The following GRIK4 variants were observed in gnomAD, a reference collection of about 807,000 sequenced individuals.
The protein encoded by GRIK4 is glutamate receptor ionotropic, kainate 4.
In GRIK4, 40 loss-of-function variants were observed where a neutral mutation model predicts 104.9. The observed-to-expected ratio is 0.38, with a 90% CI of 0.30 to 0.50. The LOEUF is 0.50. GRIK4 is among the 20% of genes least tolerant of loss of function. The pLI is 0.93. For synonymous variants in GRIK4, 485 were observed against 524.9 expected, an observed-to-expected ratio of 0.92 and a Z score of 1.04; for missense variants, 1,047 against 1,308.1, an observed-to-expected ratio of 0.80 and a Z score of 3.08.
intron 1 of GRIK4, among the ~76,000 whole-genome samples, chr11:120,615,733 G>T (rs1326983760): frequency 6.6e-6 from 1 of 152,148 alleles, no homozygotes. Flanking sequence ...TGCAGCTTGT[G>T]GGTGGGGATC....
intron 3 of GRIK4, among the ~76,000 whole-genome samples, chr11:120,675,552 A>G (rs1397992937): frequency 1.3e-5 from 2 of 152,168 alleles, no homozygotes; most frequent in African/African-American, 2.4e-5. Flanking sequence ...GGCATATAAG[A>G]AATATTAGTT....
chr11:120,988,074 C>G lies in GRIK4; in HGVS notation c.*1814C>G, dbSNP rs1944785981. 1 of 152,214 alleles carries G rather than the reference C, an allele frequency of 6.6e-6. No homozygotes were observed. Among genetic ancestry groups the G allele is most frequent in the African/African-American group, 2.4e-5 (1 of 41,420 alleles). The allele number at this position is 152,214 out of a possible 1,614,324, so 9.4% of individuals were successfully genotyped here. ...GGGTTGGTCGGCATCCTCTTTATGC[C>G]AGGACAATCAGTTAGGGCTGCCGTC... On this transcript the variant is annotated 3_prime_UTR_variant, in exon 21 of 21. Transcript: ENST00000527524.
chr11:120,927,144 C>T (rs994794724), intron 13 of GRIK4, among the ~76,000 whole-genome samples: 3 of 151,844 alleles, frequency 2.0e-5, no homozygotes, highest in Admixed American at 6.6e-5. Flanking sequence ...AATGGGCTGC[C>T]GTATCACCAA....
chr11:120,563,427 A>G (rs1219873165), intron 1 of GRIK4, among the ~76,000 whole-genome samples: 1 of 152,104 alleles, frequency 6.6e-6, no homozygotes, highest in African/African-American at 2.4e-5. Flanking sequence ...AACAATCCCT[A>G]TATTTTTGGT....
intron 1 of GRIK4, among the ~76,000 whole-genome samples, chr11:120,581,449 T>C (rs1007244456): frequency 1.3e-5 from 2 of 152,230 alleles, no homozygotes; most frequent in Non-Finnish European, 1.5e-5. Flanking sequence ...ATCTCAACCA[T>C]TTTAAATGTA....
intron 6 of GRIK4, among the ~76,000 whole-genome samples, chr11:120,828,788 G>T (rs1321504290): frequency 6.6e-6 from 1 of 152,192 alleles, no homozygotes; most frequent in Non-Finnish European, 1.5e-5. Flanking sequence ...TGTTATATGG[G>T]ATGGGGAATG....
chr11:120,981,094 C>A (rs966445323), intron 19 of GRIK4, among the ~76,000 whole-genome samples: 1 of 152,148 alleles, frequency 6.6e-6, no homozygotes, highest in East Asian at 1.9e-4. Flanking sequence ...CTGAAAAACA[C>A]GGGACACAAG....
At chr11:120,713,543 C>G (rs1950776473) in intron 3 of GRIK4, among the ~76,000 whole-genome samples, 1 of 152,150 alleles carries the variant, frequency 6.6e-6, no homozygotes, top group African/African-American at 2.4e-5. Context: ...GAGCTCTTTA[C>G]CAGGCGAGGT....
chr11:120,541,252 T>G (rs1565543587), intron 1 of GRIK4, among the ~76,000 whole-genome samples: 1 of 152,246 alleles, frequency 6.6e-6, no homozygotes, highest in Non-Finnish European at 1.5e-5. Flanking sequence ...CAGAGCTGAT[T>G]GACCCCTCCT....
At chr11:120,743,202 C>T (rs916971656) in intron 3 of GRIK4, among the ~76,000 whole-genome samples, 1 of 150,714 alleles carries the variant, frequency 6.6e-6, no homozygotes, top group African/African-American at 2.4e-5. Context: ...TGCACTCCAG[C>T]CTGGGTGACA....
At chr11:120,686,382 A>T (rs10790400) in intron 3 of GRIK4, among the ~76,000 whole-genome samples, 74,775 of 152,070 alleles carry the variant, frequency 0.49, 18,636 homozygotes, top group African/African-American at 0.56. Flanking sequence ...TAACTGTGCC[A>T]CTTATAGTAC....
intron 6 of GRIK4, among the ~76,000 whole-genome samples, chr11:120,827,205 C>T (rs1953290133): frequency 6.6e-6 from 1 of 152,186 alleles, no homozygotes; most frequent in Admixed American, 6.5e-5. Flanking sequence ...CCTGCAGACT[C>T]ATCGCTTAGG....
intron 1 of GRIK4, among the ~76,000 whole-genome samples, chr11:120,580,200 T>TTTCTTTCTTTCC (rs1948552965): frequency 3.2e-5 from 1 of 30,886 alleles, no homozygotes; most frequent in African/African-American, 1.2e-4. Flanking sequence ...ACAAGGGTTC[T>TTTCTTTCTTTCC]TTCTTTCTTT....
chr11:120,717,922 A>G (rs1369709899), intron 3 of GRIK4, among the ~76,000 whole-genome samples: 2 of 152,078 alleles, frequency 1.3e-5, no homozygotes, highest in Non-Finnish European at 2.9e-5. Context: ...GGGGTAGGAA[A>G]TGGCCAGCCT....
At chr11:120,637,419 C>T (rs539351798) in intron 1 of GRIK4, among the ~76,000 whole-genome samples, 6 of 152,222 alleles carry the variant, frequency 3.9e-5, no homozygotes, top group East Asian at 1.9e-4. Context: ...CTGGTCTCTC[C>T]GGCTGAGCAG....
intron 1 of GRIK4, among the ~76,000 whole-genome samples, chr11:120,575,007 C>T (rs1310467612): frequency 6.6e-6 from 1 of 152,230 alleles, no homozygotes; most frequent in African/African-American, 2.4e-5. Flanking sequence ...TTGCATTTCT[C>T]CTAAAGCTGT....
intron 3 of GRIK4, among the ~76,000 whole-genome samples, chr11:120,751,710 C>A (rs965587415): frequency 6.6e-6 from 1 of 152,208 alleles, no homozygotes; most frequent in African/African-American, 2.4e-5. Flanking sequence ...TTCTCTAGAC[C>A]TTCTGTGCTG....
intron 11 of GRIK4, among the ~76,000 whole-genome samples, chr11:120,894,960 G>C (rs1942536010): frequency 8.3e-6 from 1 of 121,136 alleles, no homozygotes; most frequent in South Asian, 2.9e-4. Context: ...TGGATCTGAT[G>C]AGTTTATTAA....
At chr11:120,799,261 G>T (rs182887457) in intron 3 of GRIK4, among the ~76,000 whole-genome samples, 164 of 152,332 alleles carry the variant, frequency 1.1e-3, no homozygotes, top group Non-Finnish European at 2.0e-3. Flanking sequence ...TGGCCCAAAG[G>T]GAAGGATAGC....
Sources: allele counts gnomAD v4.1 joint callset (sites outside exome capture counted in the v4.1 genomes callset), GRCh38; gene constraint gnomAD v4.1.1; transcripts MANE v1.5; gene names NCBI Gene and HGNC (gene_info 2026-07-23, HGNC 2026-07-21).